Variants in PDZD2 observed in about 807,000 individuals in gnomAD.
The protein encoded by PDZD2 is PDZ domain-containing protein 2.
In PDZD2, 90 loss-of-function variants were observed where a neutral mutation model predicts 220.7. The observed-to-expected ratio is 0.41, with a 90% CI of 0.34 to 0.49. The LOEUF (loss-of-function observed/expected upper bound fraction) is 0.49. PDZD2 is among the 20% of genes least tolerant of loss of function. The pLI is 0.28. For missense variants in PDZD2, 3,174 were observed against 3,608.5 expected (o/e 0.88, Z 3.08); for synonymous variants, 1,375 against 1,450.5 (o/e 0.95, Z 1.18).
Position 31,928,978 on chromosome 5 carries a change from T to C in PDZD2, c.477-54177T>C, listed in dbSNP as rs147193873. Among the ~76,000 whole-genome samples the C allele has an allele frequency of 2.3e-3, 345 of 152,156 alleles. 2 individuals carry two copies. Among genetic ancestry groups the C allele is most frequent in the African/African-American group, 8.1e-3 (337 of 41,546 alleles). The stretch of plus-strand genomic sequence containing the variant: ...ATTTACTTACTAGAACTTAGGAGTA[T>C]GCTGGGCTCTGAAAGGAGATTTAAG... On this transcript the variant is annotated intron_variant, in intron 2 of 24. Coordinates refer to ENST00000438447, the MANE Select transcript of PDZD2 (RefSeq NM_178140.4).
At chr5:31,813,236 G>A (rs1048864458) in intron 2 of PDZD2, among the ~76,000 whole-genome samples, 13 of 152,008 alleles carry the variant, frequency 8.6e-5, no homozygotes, top group Non-Finnish European at 1.6e-4. Flanking sequence ...GGATCACGAG[G>A]TCAGGAGATG....
At chr5:31,896,787 C>G (rs1403489689) in intron 2 of PDZD2, among the ~76,000 whole-genome samples, 1 of 152,170 alleles carries the variant, frequency 6.6e-6, no homozygotes, top group East Asian at 1.9e-4. Flanking sequence ...TAGACCCAGT[C>G]TCTACAAAAA....
At chr5:31,774,544 T>C (rs1320584863) in intron 1 of PDZD2, among the ~76,000 whole-genome samples, 1 of 151,962 alleles carries the variant, frequency 6.6e-6, no homozygotes, top group Non-Finnish European at 1.5e-5. Context: ...TGAAACCCTA[T>C]CTCGACTAAA....
chr5:31,778,023 G>A (rs987817197), intron 1 of PDZD2, among the ~76,000 whole-genome samples: 4 of 152,170 alleles, frequency 2.6e-5, no homozygotes, highest in Admixed American at 2.6e-4. Context: ...CTAGCTCGGG[G>A]ATTGTAAACG....
At position 31,799,031 on chromosome 5, in the gene PDZD2, T is replaced by C. The variant is rs72755477; in HGVS notation, c.-218T>C. On this transcript the variant is annotated 5_prime_UTR_variant, in exon 2 of 25. Coordinates refer to ENST00000438447, the MANE Select transcript of PDZD2 (RefSeq NM_178140.4). ...TTCCTTCCCTCATTGAGCACTCCAG[T>C]GCCATTGTTCCACAGTTGTTCTAAT... is the stretch of plus-strand genomic sequence containing the variant. 53,786 of 561,240 alleles carry C rather than the reference T, an allele frequency of 0.096. 3,016 individuals carry two copies. Among genetic ancestry groups the C allele is most frequent in the South Asian group, 0.18 (7,096 of 38,520 alleles). 34.8% of individuals were successfully genotyped at this position (561,240 alleles called of 1,614,324 possible).
chr5:31,826,803 A>T (rs1168580612), intron 2 of PDZD2, among the ~76,000 whole-genome samples: 4 of 152,280 alleles, frequency 2.6e-5, no homozygotes, highest in South Asian at 2.1e-4. Context: ...TTCTTACAAC[A>T]TCCCTATGAG....
chr5:31,764,063 C>G (rs561625784), intron 1 of PDZD2, among the ~76,000 whole-genome samples: 1 of 152,218 alleles, frequency 6.6e-6, no homozygotes, highest in Non-Finnish European at 1.5e-5. Flanking sequence ...ACCTGCTGCC[C>G]GTCACGGATG....
chr5:31,929,675 C>A (rs1745079984), intron 2 of PDZD2, among the ~76,000 whole-genome samples: 1 of 152,136 alleles, frequency 6.6e-6, no homozygotes, highest in East Asian at 1.9e-4. Context: ...CACAGTGAAA[C>A]CCCGTCTCTA....
Position 31,649,668 on chromosome 5 carries a change from C to A in PDZD2, c.-361+10231C>A, listed in dbSNP as rs116230033. 8.3e-3 allele frequency among the ~76,000 whole-genome samples: 1,263 copies of A among 152,042 alleles called. 18 individuals carry two copies. The highest frequency in any genetic ancestry group is 0.028 in the African/African-American group (1,176 of 41,500). ...ATCAAGTCTCGGCTGGGCGCGGCAG[C>A]GCATGCCTGTAATCCCAGCACTCTG... On this transcript the variant is annotated intron_variant, in intron 1 of 24. Coordinates refer to ENST00000438447, the MANE Select transcript of PDZD2 (RefSeq NM_178140.4).
chr5:31,671,589 C>T (rs1310044482), intron 1 of PDZD2, among the ~76,000 whole-genome samples: 1 of 152,190 alleles, frequency 6.6e-6, no homozygotes. Flanking sequence ...TGCACTAGTG[C>T]GGCCCTCCTT....
intron 1 of PDZD2, among the ~76,000 whole-genome samples, chr5:31,791,711 A>G (rs1753742104): frequency 6.6e-6 from 1 of 152,084 alleles, no homozygotes; most frequent in East Asian, 1.9e-4. Context: ...ACTTTGCAAC[A>G]TTCAGCAGTA....
intron 1 of PDZD2, among the ~76,000 whole-genome samples, chr5:31,781,167 A>T (rs1436994414): frequency 1.3e-5 from 2 of 152,180 alleles, no homozygotes; most frequent in East Asian, 3.9e-4. Flanking sequence ...TAATCCCAGC[A>T]CTTTGGGAGA....
chr5:31,664,675 A>G (rs1376725351), intron 1 of PDZD2, among the ~76,000 whole-genome samples: 1 of 152,222 alleles, frequency 6.6e-6, no homozygotes, highest in Non-Finnish European at 1.5e-5. Context: ...TACAGAGCCG[A>G]AAACCACAAA....
In PDZD2 at chr5:32,087,409, G is replaced by A; in HGVS notation, c.3961G>A (p.Ala1321Thr). 2 of 1,614,110 alleles carry A rather than the reference G, an allele frequency of 1.2e-6. No individual in the cohort carries two copies. Among genetic ancestry groups the A allele is most frequent in the Non-Finnish European group, 1.7e-6 (2 of 1,179,968 alleles). ...CACACCCCACAATACCAGGAGGGTG[G>A]CTGCCCTCAGGGGAGCGGGACCTGG... ...TSTPHNTRRV[A>T]ALRGAGPGAE... The change falls in exon 20 of 25, where the codon GCT becomes ACT. Residue 1321 changes from alanine to threonine, a missense_variant. Coordinates refer to ENST00000438447, the MANE Select transcript of PDZD2 (RefSeq NM_178140.4). The surrounding 1 kb of genome is among the most constrained non-coding windows in gnomAD (Gnocchi z 4.0).
chr5:31,652,146 T>TG (rs1745377105), intron 1 of PDZD2, among the ~76,000 whole-genome samples: 2 of 80,662 alleles, frequency 2.5e-5, no homozygotes, highest in Non-Finnish European at 5.7e-5. Flanking sequence ...TTTTTTTTGT[T>TG]TTTTGTTTGT....
At chr5:31,849,454 G>T (rs1186577565) in intron 2 of PDZD2, among the ~76,000 whole-genome samples, 2 of 152,078 alleles carry the variant, frequency 1.3e-5, no homozygotes, top group Admixed American at 6.6e-5. Flanking sequence ...AGCTTAATAA[G>T]TCATAGCTAT....
intron 2 of PDZD2, 123 bp downstream of exon 2, chr5:31,799,847 C>A (rs930439797): frequency 1.1e-4 from 73 of 681,246 alleles, no homozygotes; most frequent in Non-Finnish European, 1.7e-4. Context: ...AGAAATGTCT[C>A]ATTTAAACCC....
At position 32,048,625 on chromosome 5, in the gene PDZD2, T is replaced by C; in HGVS notation, c.1606T>C (p.Ser536Pro). Reference protein sequence around the residue: ...GDPRIRMLEVSRDGRKHSLPQ... With the variant: ...GDPRIRMLEVPRDGRKHSLPQ... ...CCCCCGGATCCGGATGTTGGAGGTC[T>C]CCCGAGATGGCCGGAAACACTCCCT... is the stretch of plus-strand genomic sequence containing the variant. Residue 536 changes from serine (S) to proline (P), a missense_variant, in exon 8 of 25, where the codon TCC becomes CCC. Ser to Pro is a moderately conservative substitution (Grantham distance 74). Around this residue, in one of 4 missense-constraint regions of PDZD2, gnomAD observed 632 missense variants for 708.1 expected, o/e 0.89. Transcript: ENST00000438447. The C allele has an allele frequency of 6.2e-7, 1 of 1,614,100 alleles. No individual in the cohort carries two copies. The highest frequency in any genetic ancestry group is 8.5e-7 in the Non-Finnish European group (1 of 1,179,990).
intron 2 of PDZD2, among the ~76,000 whole-genome samples, chr5:31,924,926 G>C (rs190780004): frequency 2.8e-4 from 43 of 152,314 alleles, no homozygotes; most frequent in Admixed American, 6.5e-4. Flanking sequence ...CATGTTTGTG[G>C]CAGGATTCCT....
Sources: gnomAD v4.1 joint callset for allele counts (sites outside exome capture counted in the v4.1 genomes callset) on GRCh38, gnomAD v4.1.1 for gene constraint, gnomAD v4.1.1 regional missense constraint, Gnocchi (gnomAD v3.1) non-coding constraint, MANE v1.5 for transcripts, NCBI Gene and HGNC (gene_info 2026-07-23, HGNC 2026-07-21) for gene names.